ENOX1: variants seen among roughly 807,000 people sequenced by gnomAD.
The protein encoded by ENOX1 is candidate growth-related and time keeping constitutive hydroquinone (NADH) oxidase.
Under a neutral mutation model 82.5 loss-of-function variants are expected in ENOX1, and 42 were observed. That is an observed-to-expected ratio of 0.51 (90% CI 0.40 to 0.66). The LOEUF (loss-of-function observed/expected upper bound fraction) is 0.66. Among genes scored for constraint, ENOX1 ranks in the 30% least tolerant of loss-of-function variants. The pLI, the probability that ENOX1 is intolerant of heterozygous loss-of-function variation, is 0.00. For missense variants in ENOX1, 608 were observed against 811.6 expected (o/e 0.75, Z 3.05); for synonymous variants, 271 against 282.2 (o/e 0.96, Z 0.40).
At chr13:43,229,093 T>G (rs2042158493) in intron 15 of ENOX1, among the ~76,000 whole-genome samples, 1 of 152,178 alleles carries the variant, frequency 6.6e-6, no homozygotes, top group Admixed American at 6.5e-5. Flanking sequence ...TCTCGTGAGA[T>G]CTGATGGTTT....
chr13:43,287,837 G>C (rs1593721727), intron 12 of ENOX1, among the ~76,000 whole-genome samples: 1 of 152,308 alleles, frequency 6.6e-6, no homozygotes, highest in East Asian at 1.9e-4. Context: ...CAAACAGGTA[G>C]GGCTTTGTAA....
At chr13:43,710,081 T>C (rs1345648047) in intron 1 of ENOX1, among the ~76,000 whole-genome samples, 3 of 152,062 alleles carry the variant, frequency 2.0e-5, no homozygotes, top group Admixed American at 6.6e-5. Flanking sequence ...CTTATCAACA[T>C]AGATGCGAAT....
chr13:43,414,337 T>C (rs2054315364), intron 3 of ENOX1, among the ~76,000 whole-genome samples: 1 of 152,298 alleles, frequency 6.6e-6, no homozygotes, highest in African/African-American at 2.4e-5. Context: ...GTCAGGAAGA[T>C]GAATCATCAT....
intron 3 of ENOX1, among the ~76,000 whole-genome samples, chr13:43,418,710 T>G (rs1479878784): frequency 1.3e-5 from 2 of 152,200 alleles, no homozygotes; most frequent in Admixed American, 1.3e-4. Context: ...AACAATCTGA[T>G]ACACAAAATG....
chr13:43,465,642 C>CA (rs1406206322), intron 3 of ENOX1, among the ~76,000 whole-genome samples: 7 of 152,022 alleles, frequency 4.6e-5, no homozygotes, highest in Non-Finnish European at 1.0e-4. Context: ...CAGAAAGAGC[C>CA]AAGAAGTATA....
intron 2 of ENOX1, among the ~76,000 whole-genome samples, chr13:43,528,909 G>A (rs760138433): frequency 4.6e-5 from 7 of 151,926 alleles, no homozygotes. Context: ...ATCTGTCTTC[G>A]ATTTAGAGAA....
chr13:43,348,171 A>G (rs1165165531), intron 8 of ENOX1, among the ~76,000 whole-genome samples: 1 of 152,196 alleles, frequency 6.6e-6, no homozygotes, highest in Non-Finnish European at 1.5e-5. Flanking sequence ...ATTCAGCGTA[A>G]GTGCCCTTTA....
chr13:43,614,841 T>C (rs1814713134), intron 2 of ENOX1, among the ~76,000 whole-genome samples: 1 of 152,184 alleles, frequency 6.6e-6, no homozygotes, highest in Non-Finnish European at 1.5e-5. Flanking sequence ...ATACAAAATG[T>C]GGTCTGAGGA....
intron 2 of ENOX1, among the ~76,000 whole-genome samples, chr13:43,624,129 T>C (rs1174890245): frequency 6.6e-6 from 1 of 152,230 alleles, no homozygotes; most frequent in African/African-American, 2.4e-5. Flanking sequence ...CTGATTCATA[T>C]ATAGTGATAC....
chr13:43,708,915 T>C (rs2087501473), intron 1 of ENOX1, among the ~76,000 whole-genome samples: 1 of 151,938 alleles, frequency 6.6e-6, no homozygotes, highest in South Asian at 2.1e-4. Context: ...ATTAAGAAAA[T>C]GAAACGGCAA....
intron 2 of ENOX1, among the ~76,000 whole-genome samples, chr13:43,518,276 C>A (rs948755197): frequency 6.6e-6 from 1 of 152,016 alleles, no homozygotes; most frequent in Non-Finnish European, 1.5e-5. Context: ...CCAATGTAAT[C>A]ATCAATATTA....
intron 11 of ENOX1, among the ~76,000 whole-genome samples, chr13:43,312,558 T>C (rs1475253366): frequency 2.0e-5 from 3 of 152,212 alleles, no homozygotes; most frequent in African/African-American, 4.8e-5. Flanking sequence ...TGGGGACTTA[T>C]GAAATGGAAA....
intron 9 of ENOX1, among the ~76,000 whole-genome samples, chr13:43,332,027 A>G (rs1201507162): frequency 2.0e-5 from 3 of 152,086 alleles, no homozygotes; most frequent in Admixed American, 6.6e-5. Flanking sequence ...TTGTCTTGAG[A>G]TATGTTAAAA....
intron 1 of ENOX1, among the ~76,000 whole-genome samples, chr13:43,711,594 C>A (rs1467239328): frequency 2.0e-5 from 3 of 151,968 alleles, no homozygotes; most frequent in Admixed American, 6.6e-5. Flanking sequence ...TGTTTCCTGA[C>A]TTTTTAATGA....
At chr13:43,370,528 T>C (rs1365906432) in intron 5 of ENOX1, among the ~76,000 whole-genome samples, 1 of 152,188 alleles carries the variant, frequency 6.6e-6, no homozygotes, top group East Asian at 1.9e-4. Context: ...GAAGCTCATG[T>C]GTACTAAGTT....
At chr13:43,487,910 T>C (rs2076486050) in intron 2 of ENOX1, among the ~76,000 whole-genome samples, 1 of 152,218 alleles carries the variant, frequency 6.6e-6, no homozygotes, top group Admixed American at 6.5e-5. Context: ...TTAATGAACA[T>C]TCTTATTTCC....
chr13:43,683,407 G>A (rs1417341993), intron 1 of ENOX1, among the ~76,000 whole-genome samples: 1 of 152,148 alleles, frequency 6.6e-6, no homozygotes, highest in Non-Finnish European at 1.5e-5. Context: ...CTACACTAAT[G>A]TAATGGCTAT....
intron 5 of ENOX1, 74 bp downstream of exon 5, chr13:43,411,842 G>C: frequency 6.3e-7 from 1 of 1,577,722 alleles, no homozygotes; most frequent in Non-Finnish European, 8.7e-7. Flanking sequence ...GCGGTACAGA[G>C]AGATTACCAG....
At chr13:43,411,481 A>C (rs565490901) in intron 5 of ENOX1, among the ~76,000 whole-genome samples, 2 of 152,342 alleles carry the variant, frequency 1.3e-5, no homozygotes, top group Non-Finnish European at 2.9e-5. Context: ...TCAATGCTGG[A>C]AAAGTCACCG....
Sources: allele counts gnomAD v4.1 joint callset (sites outside exome capture counted in the v4.1 genomes callset), GRCh38; gene constraint gnomAD v4.1.1; transcripts MANE v1.5; gene names NCBI Gene and HGNC (gene_info 2026-07-23, HGNC 2026-07-21).